HIVEP2: variants seen among roughly 807,000 people sequenced by gnomAD.
HIVEP2 encodes HIVEP zinc finger 2.
HIVEP2 carries 14 observed loss-of-function variants against 180.7 expected under a neutral mutation model. That is an observed-to-expected ratio of 0.08 (90% confidence interval 0.05 to 0.12). HIVEP2 has a LOEUF of 0.12. Among genes scored for constraint, HIVEP2 ranks in the 10% least tolerant of loss-of-function variants. The pLI is 1.00. For synonymous variants in HIVEP2, 1,184 were observed against 1,136.4 expected (o/e 1.04, Z -0.84); for missense variants, 2,579 against 3,008.5 (o/e 0.86, Z 3.34).
chr6:142,814,237 C>G (rs770808579), intron 2 of HIVEP2, among the ~76,000 whole-genome samples: 1 of 151,868 alleles, frequency 6.6e-6, no homozygotes, highest in Non-Finnish European at 1.5e-5. Flanking sequence ...TGTAAATGCA[C>G]CAAAGCATAA....
At chr6:142,820,479 G>C (rs1386616809) in intron 2 of HIVEP2, among the ~76,000 whole-genome samples, 1 of 152,118 alleles carries the variant, frequency 6.6e-6, no homozygotes, top group South Asian at 2.1e-4. Flanking sequence ...ATCTGGAGGA[G>C]ACCCCATGAA....
At chr6:142,807,267 C>T (rs1167861763) in intron 2 of HIVEP2, among the ~76,000 whole-genome samples, 1 of 152,030 alleles carries the variant, frequency 6.6e-6, no homozygotes, top group African/African-American at 2.4e-5. Flanking sequence ...GTCACCTTTC[C>T]CTTTGTGTTT....
chr6:142,856,056 A>G (rs572730788), intron 1 of HIVEP2, among the ~76,000 whole-genome samples: 10 of 152,322 alleles, frequency 6.6e-5, no homozygotes, highest in Admixed American at 6.5e-4. Flanking sequence ...GTTTGTTTTC[A>G]GTAAAAGCTG....
At position 142,753,910 on chromosome 6, in the gene HIVEP2, G is replaced by GAGGTAA; in HGVS notation, c.6532_6537dup (p.Leu2178_Pro2179dup). The GAGGTAA allele has an allele frequency of 6.3e-7, 1 of 1,591,984 alleles. No homozygotes were observed. The highest frequency in any genetic ancestry group is 8.6e-7 in the Non-Finnish European group (1 of 1,166,012). ...CCATAGAGACTGAAGTAAGGAACCT[G>GAGGTAA]AGGTAATCCTCTTCTTAAATTCTGC... On this transcript the variant is annotated inframe_insertion, in exon 10 of 10. Transcript: ENST00000367603.
Position 142,753,365 on chromosome 6 carries a change from G to A in HIVEP2, c.7083C>T (p.Pro2361=). The A allele has an allele frequency of 1.2e-6, 2 of 1,614,092 alleles. No homozygotes were observed. The highest frequency in any genetic ancestry group is 1.7e-6 in the Non-Finnish European group (2 of 1,180,036). ...TAATGCTAACATGTGCACTTCCCAG[G>A]GGGTTCTGGTGGGGCTCCTGCACCC... ...PARVQEPHQN[P]LGSAHVSIRH... is the part of the protein sequence containing the mutation. Residue 2361 remains proline (P), a synonymous_variant, in exon 10 of 10, where the codon CCC becomes CCT. Transcript: ENST00000367603.
Position 142,772,144 on chromosome 6 carries a change from T to G in HIVEP2, c.2595A>C (p.Pro865=), listed in dbSNP as rs1316266613. ...DGAESGGKPS[P]SQQVQQQSYH... ...AGGACTGCTGCTGCACCTGCTGAGA[T>G]GGAGAGGGTTTCCCCCCACTTTCTG... is the stretch of plus-strand genomic sequence containing the variant. Residue 865 remains proline, a synonymous_variant, in exon 5 of 10, where the codon CCA becomes CCC. Coordinates refer to ENST00000367603, the MANE Select transcript of HIVEP2 (RefSeq NM_006734.4). The surrounding 1 kb of genome is among the most constrained non-coding windows in gnomAD (Gnocchi z 4.9). The G allele has an allele frequency of 1.2e-6, 2 of 1,614,180 alleles. No homozygotes were observed. The highest frequency in any genetic ancestry group is 1.7e-6 in the Non-Finnish European group (2 of 1,180,020).
chr6:142,861,045 A>G (rs1775965739), intron 1 of HIVEP2, among the ~76,000 whole-genome samples: 1 of 152,234 alleles, frequency 6.6e-6, no homozygotes, highest in African/African-American at 2.4e-5. Context: ...CTACTCAGAC[A>G]GTATACGAAC....
At chr6:142,761,387 C>T (rs1185767966) in intron 8 of HIVEP2, 77 bp downstream of exon 8, 7 of 697,842 alleles carry the variant, frequency 1.0e-5, no homozygotes, top group Non-Finnish European at 1.8e-5. Context: ...AATATCTAAA[C>T]TTATTTTACT....
intron 4 of HIVEP2, among the ~76,000 whole-genome samples, chr6:142,775,694 G>C (rs1775680509): frequency 6.6e-6 from 1 of 151,944 alleles, no homozygotes; most frequent in African/African-American, 2.4e-5. Context: ...AATTAGCTGG[G>C]TGTGGTGGCA....
rs757339306 is a variant in HIVEP2, at chr6:142,769,619, A to G, written c.5120T>C (p.Leu1707Pro). 1 of 1,614,218 alleles carries G rather than the reference A, an allele frequency of 6.2e-7. No homozygotes were observed. Among genetic ancestry groups the G allele is most frequent in the East Asian group, 2.2e-5 (1 of 44,884 alleles). The change falls in exon 5 of 10, where the codon CTG becomes CCG. Residue 1707 changes from leucine (L) to proline (P), a missense_variant. By Grantham distance (98) the Leu-to-Pro change is moderately conservative (BLOSUM62 -3). This residue lies in a region of HIVEP2 where 349 missense variants were observed against 367.2 expected (regional missense o/e 0.95). Transcript: ENST00000367603. ...GGTTCCAGGCCTATGCATAGCAGCC[A>G]GAGTATAAATTTCTGCAGTGATTTT... The part of the protein sequence containing the change: ...KQKITAEIYT[L>P]AAMHRPGTGK...
Position 142,753,088 on chromosome 6 carries a change from A to C in HIVEP2, c.*19T>G. The stretch of plus-strand genomic sequence containing the variant: ...AAAAATGGGAAAATGTGGAAATGAA[A>C]GTCTCCATGCATCATAGATCAATGT... On this transcript the variant is annotated 3_prime_UTR_variant, in exon 10 of 10. Coordinates refer to ENST00000367603, the MANE Select transcript of HIVEP2 (RefSeq NM_006734.4). 7.1e-7 allele frequency: 1 copy of C among 1,413,530 alleles called. No individual in the cohort carries two copies. Among genetic ancestry groups the C allele is most frequent in the Non-Finnish European group, 1.0e-6 (1 of 1,000,694 alleles). 87.6% of individuals were successfully genotyped at this position (1,413,530 alleles called of 1,614,324 possible).
intron 1 of HIVEP2, among the ~76,000 whole-genome samples, chr6:142,907,788 G>T (rs1777304637): frequency 6.6e-6 from 1 of 152,182 alleles, no homozygotes; most frequent in Non-Finnish European, 1.5e-5. Flanking sequence ...ACCTCCCCTA[G>T]AGCATCGGTA....
chr6:142,771,028 G>A lies in HIVEP2; in HGVS notation c.3711C>T (p.His1237=). The change falls in exon 5 of 10, where the codon CAC becomes CAT. Residue 1237 remains histidine, a synonymous_variant. Transcript: ENST00000367603. This position sits in a 1 kb window ranked among gnomAD's most constrained non-coding sequence, Gnocchi z 5.4. ...AGGGCTTGCCATAGCTCTTCTGAGG[G>A]TGCTGAGCAAAGGGATGTGGGAAAT... The part of the protein sequence containing the change: ...QAHFPHPFAQ[H]PQKSYGKPSF... The A allele has an allele frequency of 1.2e-6, 2 of 1,614,206 alleles. No individual in the cohort carries two copies. Among genetic ancestry groups the A allele is most frequent in the Middle Eastern group, 1.6e-4 (1 of 6,062 alleles).
chr6:142,818,733 A>AAAGAAGG (rs1462347393), intron 2 of HIVEP2, among the ~76,000 whole-genome samples: 62 of 41,792 alleles, frequency 1.5e-3, no homozygotes, highest in African/African-American at 5.7e-3. Context: ...AGAAAGAAAG[A>AAAGAAGG]AAAGAAAGAA....
At chr6:142,832,477 G>A (rs1306936326) in intron 2 of HIVEP2, among the ~76,000 whole-genome samples, 2 of 152,144 alleles carry the variant, frequency 1.3e-5, no homozygotes, top group Non-Finnish European at 2.9e-5. Flanking sequence ...GCTCAAACAT[G>A]AAGAGAAGTA....
At position 142,753,744 on chromosome 6, in the gene HIVEP2, T is replaced by C; in HGVS notation, c.6704A>G (p.Gln2235Arg). The change falls in exon 10 of 10, where the codon CAG (glutamine) becomes CGG (arginine). Residue 2235 changes from glutamine to arginine, a missense_variant. Gln to Arg is a conservative substitution (Grantham distance 43, BLOSUM62 1). Transcript: ENST00000367603. ...GGCTGGCGGCATGGAGTGAACCATC[T>C]GGATCCCACCAACGGGCACCATGGG... ...PIPMVPVGGI[Q>R]MVHSMPPALS... 3.7e-6 allele frequency: 6 copies of C among 1,614,172 alleles called. No homozygotes were observed. The highest frequency in any genetic ancestry group is 5.1e-6 in the Non-Finnish European group (6 of 1,180,016).
chr6:142,913,166 T>C (rs538671388), intron 1 of HIVEP2, among the ~76,000 whole-genome samples: 2 of 152,170 alleles, frequency 1.3e-5, no homozygotes, highest in African/African-American at 2.4e-5. Context: ...TAGGATGAGC[T>C]TGTCAAAAAG....
chr6:142,865,543 C>T (rs1008024549), intron 1 of HIVEP2, among the ~76,000 whole-genome samples: 3 of 152,096 alleles, frequency 2.0e-5, no homozygotes, highest in Non-Finnish European at 4.4e-5. Flanking sequence ...TAAATGCCTA[C>T]GAACGTACCA....
chr6:142,904,251 T>C (rs1777206628), intron 1 of HIVEP2, among the ~76,000 whole-genome samples: 1 of 152,200 alleles, frequency 6.6e-6, no homozygotes, highest in Admixed American at 6.5e-5. Flanking sequence ...CTTGTCACAC[T>C]TATCCTCCCC....
Sources: gnomAD v4.1 joint callset for allele counts (sites outside exome capture counted in the v4.1 genomes callset) on GRCh38, gnomAD v4.1.1 for gene constraint, gnomAD v4.1.1 regional missense constraint, Gnocchi (gnomAD v3.1) non-coding constraint, MANE v1.5 for transcripts, NCBI Gene and HGNC (gene_info 2026-07-23, HGNC 2026-07-21) for gene names.